CDR2: variants seen among roughly 807,000 people sequenced by gnomAD.
CDR2 encodes cerebellar degeneration-related protein 2.
In CDR2, 34 loss-of-function variants were observed where a neutral mutation model predicts 48.4. The ratio of observed to expected loss-of-function variants is 0.70; its 90% CI spans 0.53 to 0.94. The LOEUF is 0.94. CDR2 is among the 40% of genes least tolerant of loss of function. CDR2 has a pLI of 0.00. For missense variants in CDR2, 498 were observed against 549.5 expected, an observed-to-expected ratio of 0.91 and a Z score of 0.94; for synonymous variants, 240 against 219.7, an observed-to-expected ratio of 1.09 and a Z score of -0.82.
chr16:22,354,714 T>G (rs1329056725), intron 2 of CDR2, among the ~76,000 whole-genome samples: 1 of 146,290 alleles, frequency 6.8e-6, no homozygotes, highest in African/African-American at 2.5e-5. Flanking sequence ...ATGGTGAAAC[T>G]CCATCTCTAC....
chr16:22,365,128 G>A, intron 1 of CDR2, 114 bp from the exon 2 acceptor site: 1 of 680,652 alleles, frequency 1.5e-6, no homozygotes, highest in South Asian at 1.8e-5. Flanking sequence ...ATGGAAGGTG[G>A]AGTGGCACAG....
At chr16:22,371,562 C>A (rs2049076525) in intron 1 of CDR2, among the ~76,000 whole-genome samples, 1 of 152,172 alleles carries the variant, frequency 6.6e-6, no homozygotes, top group East Asian at 1.9e-4. Context: ...TGGCAAAGAG[C>A]AGATAATACA....
At chr16:22,373,687 C>T (rs955945930) in intron 1 of CDR2, among the ~76,000 whole-genome samples, 3 of 152,224 alleles carry the variant, frequency 2.0e-5, no homozygotes, top group African/African-American at 7.2e-5. Context: ...CTCATGTACC[C>T]CACAAATATA....
intron 1 of CDR2, chr16:22,367,029 T>C (rs190156709): frequency 1.3e-5 from 2 of 152,356 alleles, no homozygotes; most frequent in East Asian, 3.9e-4. Flanking sequence ...GGCTTTCTTT[T>C]TCTGTCTCTT....
At chr16:22,350,647 T>A (rs929128634) in intron 2 of CDR2, among the ~76,000 whole-genome samples, 1 of 152,208 alleles carries the variant, frequency 6.6e-6, no homozygotes, top group African/African-American at 2.4e-5. Flanking sequence ...CCTGTCTTCA[T>A]AAGAAATGAG....
At chr16:22,356,940 C>CAAAAA (rs1047380020) in intron 2 of CDR2, among the ~76,000 whole-genome samples, 1 of 28,872 alleles carries the variant, frequency 3.5e-5, no homozygotes. Flanking sequence ...GACTCCATCT[C>CAAAAA]AAAAAAAAAA....
At chr16:22,353,721 T>TA (rs1254919659) in intron 2 of CDR2, among the ~76,000 whole-genome samples, 2 of 152,194 alleles carry the variant, frequency 1.3e-5, no homozygotes, top group Non-Finnish European at 2.9e-5. Context: ...GTCACTTCTC[T>TA]AAAAAATTAC....
intron 2 of CDR2, among the ~76,000 whole-genome samples, chr16:22,359,639 G>C (rs571636161): frequency 1.3e-5 from 2 of 152,256 alleles, no homozygotes; most frequent in Admixed American, 1.3e-4. Flanking sequence ...ACGGAGCAAA[G>C]AGAATCTGAG....
chr16:22,350,351 C>T (rs956814886), intron 2 of CDR2, among the ~76,000 whole-genome samples: 1 of 152,190 alleles, frequency 6.6e-6, no homozygotes, highest in South Asian at 2.1e-4. Flanking sequence ...TTTCAGTTTT[C>T]TCCAGGTCTT....
chr16:22,354,327 A>G (rs1360307188), intron 2 of CDR2, among the ~76,000 whole-genome samples: 1 of 152,180 alleles, frequency 6.6e-6, no homozygotes, highest in African/African-American at 2.4e-5. Context: ...TGGATCAATG[A>G]TGACTCTTCA....
At chr16:22,374,192 C>G (rs1019936646) in intron 1 of CDR2, 39 bp downstream of exon 1, 27 of 1,425,224 alleles carry the variant, frequency 1.9e-5, no homozygotes, top group Middle Eastern at 3.5e-4. Context: ...GCCTCCCGGG[C>G]CAGGCCGCCG....
intron 2 of CDR2, among the ~76,000 whole-genome samples, chr16:22,353,337 C>A (rs527555773): frequency 2.0e-5 from 3 of 152,244 alleles, no homozygotes; most frequent in Non-Finnish European, 2.9e-5. Context: ...TAGCTAAGAG[C>A]ACAGGCTTTG....
chr16:22,365,118 A>C, intron 1 of CDR2, 104 bp from the exon 2 acceptor site: 2 of 738,090 alleles, frequency 2.7e-6, no homozygotes, highest in East Asian at 2.7e-5. Context: ...TCACATCCCA[A>C]TGGAAGGTGG....
chr16:22,364,676 AAC>A (rs2141851748), intron 2 of CDR2, among the ~76,000 whole-genome samples: 1 of 152,274 alleles, frequency 6.6e-6, no homozygotes, highest in South Asian at 2.1e-4. Flanking sequence ...CAGCCTGGCT[AAC>A]ACAGTGAAAC....
chr16:22,346,868 TGAGTAACATTAGGCTTCA>T lies in CDR2; in HGVS notation c.*79_*96del. 1 of 1,322,982 alleles carries T rather than the reference TGAGTAACATTAGGCTTCA, an allele frequency of 7.6e-7. No individual in the cohort carries two copies. The allele number at this position is 1,322,982 out of a possible 1,614,324, so 82.0% of individuals were successfully genotyped here. On this transcript the variant is annotated 3_prime_UTR_variant, in exon 5 of 5. Coordinates refer to ENST00000268383, the MANE Select transcript of CDR2 (RefSeq NM_001802.2). The stretch of plus-strand genomic sequence containing the variant: ...AAGCAAAGCAATGAGGCAAACGTCA[TGAGTAACATTAGGCTTCA>T]GAGTCTACAAACACTTGTCTGAATG...
At chr16:22,358,562 T>C (rs1162039713) in intron 2 of CDR2, among the ~76,000 whole-genome samples, 1 of 152,124 alleles carries the variant, frequency 6.6e-6, no homozygotes, top group African/African-American at 2.4e-5. Context: ...CAGGGAAAGA[T>C]AGAAACAAAC....
intron 2 of CDR2, among the ~76,000 whole-genome samples, chr16:22,360,735 T>G (rs1456103302): frequency 6.9e-6 from 1 of 144,142 alleles, no homozygotes; most frequent in African/African-American, 2.6e-5. Flanking sequence ...ATTAAAAAAA[T>G]GATCTTTTTT....
At chr16:22,371,869 TG>T (rs2049080502) in intron 1 of CDR2, among the ~76,000 whole-genome samples, 3 of 151,844 alleles carry the variant, frequency 2.0e-5, no homozygotes, top group African/African-American at 7.3e-5. Context: ...TGTGTGTGTG[TG>T]TGTGTGTGTG....
chr16:22,347,488 A>G lies in CDR2; in HGVS notation c.842T>C (p.Val281Ala). Residue 281 changes from valine (V) to alanine (A), a missense_variant, in exon 5 of 5, where the codon GTT becomes GCT. Val to Ala is a moderately conservative substitution (Grantham distance 64). Transcript: ENST00000268383. ...GCTCTGGCTGGGCTCTTTGAAAGGA[A>G]CATACAGAGAGTCTGGCACCAGCTT... is the stretch of plus-strand genomic sequence containing the variant. ...VEKLVPDSLY[V>A]PFKEPSQSLL... The G allele has an allele frequency of 6.2e-7, 1 of 1,614,072 alleles. No individual in the cohort carries two copies. The highest frequency in any genetic ancestry group is 8.5e-7 in the Non-Finnish European group (1 of 1,180,030).
Sources: gnomAD v4.1 joint callset for allele counts (sites outside exome capture counted in the v4.1 genomes callset) on GRCh38, gnomAD v4.1.1 for gene constraint, MANE v1.5 for transcripts, NCBI Gene and HGNC (gene_info 2026-07-23, HGNC 2026-07-21) for gene names.